Variants in PDE4D observed in about 807,000 individuals in gnomAD.
PDE4D encodes 3',5'-cyclic-AMP phosphodiesterase 4D.
Under a neutral mutation model 87.4 loss-of-function variants are expected in PDE4D, and 24 were observed. The ratio of observed to expected loss-of-function variants is 0.27; its 90% CI spans 0.20 to 0.39. The LOEUF is 0.39. Ranked by LOEUF, PDE4D falls within the 10% of genes least tolerant of loss-of-function variation. The pLI, the probability that PDE4D is intolerant of heterozygous loss-of-function variation, is 1.00. For synonymous variants in PDE4D, 384 were observed against 383.2 expected (o/e 1.00, Z -0.02); for missense variants, 714 against 1,041.0 (o/e 0.69, Z 4.32).
chr5:59,526,221 G>A (rs1035862860), intron 1 of PDE4D, among the ~76,000 whole-genome samples: 2 of 152,126 alleles, frequency 1.3e-5, no homozygotes, highest in South Asian at 4.1e-4. Flanking sequence ...GCAGTTTGAA[G>A]TGCAAACCAC....
intron 1 of PDE4D, among the ~76,000 whole-genome samples, chr5:60,233,657 T>C (rs1039200417): frequency 6.6e-6 from 1 of 151,936 alleles, no homozygotes; most frequent in East Asian, 1.9e-4. Context: ...AATATTGTAG[T>C]CTTCCTATAT....
At chr5:59,064,585 C>G (rs1254265198) in intron 5 of PDE4D, among the ~76,000 whole-genome samples, 1 of 152,146 alleles carries the variant, frequency 6.6e-6, no homozygotes, top group Non-Finnish European at 1.5e-5. Flanking sequence ...CATAAATCTA[C>G]TAGTGGTGAA....
intron 1 of PDE4D, among the ~76,000 whole-genome samples, chr5:59,303,881 T>G (rs1426672258): frequency 6.6e-6 from 1 of 152,150 alleles, no homozygotes; most frequent in Non-Finnish European, 1.5e-5. Flanking sequence ...AGGCTCTTTT[T>G]TGGTTCCATC....
intron 1 of PDE4D, among the ~76,000 whole-genome samples, chr5:59,525,127 C>T (rs1242754871): frequency 1.3e-5 from 2 of 152,206 alleles, no homozygotes; most frequent in Non-Finnish European, 2.9e-5. Flanking sequence ...AGAATGGTAG[C>T]TCCACCAACA....
chr5:59,340,391 T>G (rs1582051042), intron 1 of PDE4D, among the ~76,000 whole-genome samples: 1 of 152,142 alleles, frequency 6.6e-6, no homozygotes, highest in Middle Eastern at 3.4e-3. Context: ...ATTAATGTAT[T>G]TACTTTTTAC....
intron 2 of PDE4D, among the ~76,000 whole-genome samples, chr5:60,109,388 T>C (rs982811796): frequency 6.6e-6 from 1 of 151,362 alleles, no homozygotes; most frequent in African/African-American, 2.4e-5. Flanking sequence ...TGTGGAGAAA[T>C]AGGAACACTT....
At chr5:59,365,690 T>C (rs1042102614) in intron 1 of PDE4D, among the ~76,000 whole-genome samples, 1 of 152,140 alleles carries the variant, frequency 6.6e-6, no homozygotes, top group Admixed American at 6.5e-5. Flanking sequence ...TGGGTCTAAA[T>C]AAGGGCTCCG....
chr5:60,392,212 T>A (rs1239708944), intron 1 of PDE4D, among the ~76,000 whole-genome samples: 1 of 152,214 alleles, frequency 6.6e-6, no homozygotes, highest in Non-Finnish European at 1.5e-5. Flanking sequence ...TTTATTGTTT[T>A]GCTCCTCAAA....
At chr5:59,128,488 G>A (rs1030762918) in intron 5 of PDE4D, among the ~76,000 whole-genome samples, 1 of 152,212 alleles carries the variant, frequency 6.6e-6, no homozygotes, top group South Asian at 2.1e-4. Context: ...CAGTTTGGGG[G>A]CAATTATTAT....
At chr5:60,020,231 A>T (rs781249571) in intron 2 of PDE4D, among the ~76,000 whole-genome samples, 1 of 152,190 alleles carries the variant, frequency 6.6e-6, no homozygotes, top group Non-Finnish European at 1.5e-5. Flanking sequence ...TGAAACCCTA[A>T]CACAATTATG....
intron 1 of PDE4D, among the ~76,000 whole-genome samples, chr5:59,263,428 G>A (rs964914287): frequency 3.9e-5 from 6 of 151,916 alleles, no homozygotes; most frequent in Admixed American, 1.3e-4. Flanking sequence ...GGAAGTCTAG[G>A]AAGGCCCTTC....
chr5:59,335,760 T>C (rs912722957), intron 1 of PDE4D, among the ~76,000 whole-genome samples: 2 of 152,240 alleles, frequency 1.3e-5, no homozygotes, highest in Non-Finnish European at 2.9e-5. Flanking sequence ...CTGCCTTTCA[T>C]GTCCCTATCA....
chr5:60,363,463 T>C (rs1760258035), intron 1 of PDE4D, among the ~76,000 whole-genome samples: 1 of 152,234 alleles, frequency 6.6e-6, no homozygotes, highest in Non-Finnish European at 1.5e-5. Flanking sequence ...TTGTAATTCG[T>C]CCATCTAACA....
intron 1 of PDE4D, chr5:59,357,108 G>A (rs1781507569): frequency 2.7e-6 from 1 of 366,594 alleles, no homozygotes; most frequent in Middle Eastern, 6.9e-4. Flanking sequence ...TAATTAACGT[G>A]AGAAACACTC....
chr5:59,104,785 T>C (rs184428861), intron 5 of PDE4D, among the ~76,000 whole-genome samples: 5 of 152,200 alleles, frequency 3.3e-5, no homozygotes. Context: ...GAAAATGTCC[T>C]GGAGCTAAGG....
At chr5:60,284,379 G>A (rs1189145457) in intron 1 of PDE4D, among the ~76,000 whole-genome samples, 1 of 152,094 alleles carries the variant, frequency 6.6e-6, no homozygotes, top group Non-Finnish European at 1.5e-5. Context: ...AGCTAGGTGT[G>A]GAAACTCCCA....
intron 1 of PDE4D, among the ~76,000 whole-genome samples, chr5:60,362,676 T>C (rs999796602): frequency 6.6e-6 from 1 of 152,068 alleles, no homozygotes; most frequent in Non-Finnish European, 1.5e-5. Flanking sequence ...TGGGCCAACA[T>C]GGCAAAACTC....
intron 2 of PDE4D, among the ~76,000 whole-genome samples, chr5:60,104,618 G>A (rs1157497601): frequency 6.6e-6 from 1 of 152,162 alleles, no homozygotes; most frequent in South Asian, 2.1e-4. Context: ...CCCACCAGTA[G>A]GGTCAGACTG....
chr5:59,776,046 T>C (rs1300799711), intron 1 of PDE4D, among the ~76,000 whole-genome samples: 1 of 152,170 alleles, frequency 6.6e-6, no homozygotes, highest in Non-Finnish European at 1.5e-5. Context: ...AGTTGGAAAT[T>C]TTTTCTAAAG....
Sources: allele counts gnomAD v4.1 joint callset (sites outside exome capture counted in the v4.1 genomes callset), GRCh38; gene constraint gnomAD v4.1.1; transcripts MANE v1.5; gene names NCBI Gene and HGNC (gene_info 2026-07-23, HGNC 2026-07-21).